The following GLG1 variants were observed in gnomAD, a reference collection of about 807,000 sequenced individuals.
GLG1 encodes Golgi apparatus protein 1.
A neutral mutation model predicts 160.5 loss-of-function variants in GLG1; 38 were observed. The observed-to-expected ratio is 0.24, with a 90% confidence interval of 0.18 to 0.31. The LOEUF (loss-of-function observed/expected upper bound fraction) is 0.31, where lower values mean the gene tolerates loss of function less well. GLG1 is among the 10% of genes least tolerant of loss of function. GLG1 has a pLI of 1.00. For synonymous variants in GLG1, 644 were observed against 543.4 expected (o/e 1.19, Z -2.57); for missense variants, 1,373 against 1,505.2 (o/e 0.91, Z 1.45).
intron 11 of GLG1, among the ~76,000 whole-genome samples, chr16:74,478,577 C>T (rs1324309907): frequency 6.6e-6 from 1 of 152,108 alleles, no homozygotes. Flanking sequence ...GATGACCACA[C>T]AACACTGTAA....
chr16:74,605,614 T>G (rs2143932580), intron 1 of GLG1, among the ~76,000 whole-genome samples: 1 of 152,254 alleles, frequency 6.6e-6, no homozygotes, highest in East Asian at 1.9e-4. Flanking sequence ...TGTCTTTTCC[T>G]CTATCTGAAT....
intron 4 of GLG1, among the ~76,000 whole-genome samples, chr16:74,501,189 A>C (rs1294438741): frequency 2.0e-5 from 3 of 152,250 alleles, no homozygotes; most frequent in African/African-American, 7.2e-5. Context: ...AAGGCAGAGA[A>C]GAGCTGAGAA....
intron 23 of GLG1, chr16:74,458,205 G>T (rs2014638351): frequency 8.7e-6 from 4 of 459,368 alleles, no homozygotes; most frequent in African/African-American, 7.7e-5. Context: ...AAAACTGTGT[G>T]TTGGAAAAAA....
At chr16:74,600,396 G>GA (rs1419799791) in intron 1 of GLG1, among the ~76,000 whole-genome samples, 2 of 150,746 alleles carry the variant, frequency 1.3e-5, no homozygotes, top group South Asian at 2.1e-4. Context: ...GACTTTCAAA[G>GA]AAAAAAAAGA....
chr16:74,484,940 G>A (rs1191160839), intron 9 of GLG1, among the ~76,000 whole-genome samples: 1 of 151,914 alleles, frequency 6.6e-6, no homozygotes, highest in Non-Finnish European at 1.5e-5. Flanking sequence ...TTGAGACAGG[G>A]TTTTGCTCTG....
chr16:74,485,044 G>C (rs1171373612), intron 9 of GLG1, among the ~76,000 whole-genome samples: 3 of 152,090 alleles, frequency 2.0e-5, no homozygotes, highest in Non-Finnish European at 4.4e-5. Flanking sequence ...CTCCCAAGGG[G>C]ATGGGACTAC....
At chr16:74,601,388 T>C (rs1160647502) in intron 1 of GLG1, among the ~76,000 whole-genome samples, 3 of 151,304 alleles carry the variant, frequency 2.0e-5, no homozygotes, top group Non-Finnish European at 2.9e-5. Context: ...GAGACCAACC[T>C]GGGCAACCCG....
chr16:74,523,000 A>G (rs896244845), intron 2 of GLG1, among the ~76,000 whole-genome samples: 1 of 152,216 alleles, frequency 6.6e-6, no homozygotes, highest in Admixed American at 6.5e-5. Flanking sequence ...TCTTTAATGA[A>G]ACAGATTTTT....
At chr16:74,459,632 G>GA (rs369180794) in intron 23 of GLG1, 50 bp downstream of exon 23, 72,988 of 689,568 alleles carry the variant, frequency 0.11, 15 homozygotes, top group South Asian at 0.14. Flanking sequence ...AGGAAGAAGA[G>GA]AAAAAAAAAA....
At chr16:74,540,060 A>ATATATATATTATATATATTT in intron 1 of GLG1, among the ~76,000 whole-genome samples, 1 of 1,248 alleles carries the variant, frequency 8.0e-4, no homozygotes, top group African/African-American at 1.4e-3. Context: ...TATATATTTT[A>ATATATATATTATATATATTT]TATATATATA....
At chr16:74,509,547 T>C (rs1439503398) in intron 2 of GLG1, among the ~76,000 whole-genome samples, 1 of 151,814 alleles carries the variant, frequency 6.6e-6, no homozygotes, top group Non-Finnish European at 1.5e-5. Context: ...TCTTCATTCA[T>C]TCATTCATTT....
intron 2 of GLG1, among the ~76,000 whole-genome samples, chr16:74,522,457 G>A (rs2017196804): frequency 6.6e-6 from 1 of 152,190 alleles, no homozygotes; most frequent in African/African-American, 2.4e-5. Flanking sequence ...TCACGTCCCT[G>A]ATTACTAAGC....
chr16:74,567,200 G>GGAGAGAGAGACAGAGAGAGA (rs1567528250), intron 1 of GLG1, among the ~76,000 whole-genome samples: 1 of 147,358 alleles, frequency 6.8e-6, no homozygotes, highest in African/African-American at 2.4e-5. Context: ...TAGGGAGCGG[G>GGAGAGAGAGACAGAGAGAGA]GAGAGAGAGA....
In GLG1 at chr16:74,542,102, T is replaced by TA. The variant is rs769990078; in HGVS notation, c.439-9950dup. On this transcript the variant is annotated intron_variant, in intron 1 of 25. Coordinates refer to ENST00000422840, the MANE Select transcript of GLG1 (RefSeq NM_001145667.2). ...CACAGCAGGTAGCAATCTGCCCTCTTAGAGTCCTAGACTGACAGTTCTACT... is the reference window on the plus strand; with the variant it reads ...CACAGCAGGTAGCAATCTGCCCTCTTAAGAGTCCTAGACTGACAGTTCTACT... Among the ~76,000 whole-genome samples, 3 of 148,886 alleles carry TA rather than the reference T, an allele frequency of 2.0e-5. No homozygotes were observed. The East Asian group carries it at 5.9e-4, about 29-fold the overall frequency.
At chr16:74,462,848 T>C (rs2014855552) in intron 20 of GLG1, 1 of 570,634 alleles carries the variant, frequency 1.8e-6, no homozygotes. Flanking sequence ...GGAATCTTTC[T>C]ACTCTGCGGG....
intron 1 of GLG1, among the ~76,000 whole-genome samples, chr16:74,565,327 A>G (rs887822201): frequency 5.3e-5 from 8 of 152,180 alleles, no homozygotes; most frequent in Non-Finnish European, 1.0e-4. Flanking sequence ...ACTCCATCTC[A>G]AAAACAACAA....
intron 2 of GLG1, among the ~76,000 whole-genome samples, chr16:74,517,727 G>C (rs1168513336): frequency 6.6e-6 from 1 of 152,106 alleles, no homozygotes; most frequent in Non-Finnish European, 1.5e-5. Flanking sequence ...AAGCAATAAA[G>C]GGTATTCAAA....
rs548183633 is a variant in GLG1 at position 74,594,644 on chromosome 16, A to C, written c.438+12013T>G. On this transcript the variant is annotated intron_variant, in intron 1 of 25. Coordinates refer to ENST00000422840, the MANE Select transcript of GLG1 (RefSeq NM_001145667.2). ...AACTGACCTCCAGTTTTATCAGAGT[A>C]TTGTTCTCAAGTGGAAGGAGCTAAA... 4.6e-5 allele frequency among the ~76,000 whole-genome samples: 7 copies of C among 152,300 alleles called. No individual in the cohort carries two copies. The East Asian group carries it at 9.6e-4, about 21-fold the overall frequency.
At chr16:74,542,736 A>AG (rs1567513929) in intron 1 of GLG1, among the ~76,000 whole-genome samples, 19 of 5,864 alleles carry the variant, frequency 3.2e-3, no homozygotes, top group South Asian at 0.01. Context: ...GAAGGAAGGG[A>AG]GGAAGGAAGG....
Sources: allele counts gnomAD v4.1 joint callset (sites outside exome capture counted in the v4.1 genomes callset), GRCh38; gene constraint gnomAD v4.1.1; transcripts MANE v1.5; gene names NCBI Gene and HGNC (gene_info 2026-07-23, HGNC 2026-07-21).